The following CYSLTR1 variants were observed in gnomAD, a reference collection of about 807,000 sequenced individuals.
CYSLTR1 encodes the protein G-protein coupled receptor HG55.
CYSLTR1 carries 1 observed loss-of-function variant against 2.1 expected under a neutral mutation model. The ratio of observed to expected loss-of-function variants is 0.48; its 90% confidence interval spans 0.17 to 2.28. CYSLTR1 has a LOEUF of 2.28. Among genes scored for constraint, CYSLTR1 ranks in the 30% most tolerant of loss-of-function variants. The pLI, the probability that CYSLTR1 is intolerant of heterozygous loss-of-function variation, is 0.26. For synonymous variants in CYSLTR1, 110 were observed against 89.6 expected, an observed-to-expected ratio of 1.23 and a Z score of -1.28; for missense variants, 299 against 250.1, an observed-to-expected ratio of 1.20 and a Z score of -1.32.
rs762654756 is a variant in CYSLTR1 at position 78,273,410 on chromosome X, A to G, written c.337T>C (p.Phe113Leu). 8.3e-7 allele frequency: 1 copy of G among 1,211,675 alleles called. No homozygotes were observed. The highest frequency in any genetic ancestry group is 1.1e-6 in the Non-Finnish European group (1 of 895,429). The change falls in exon 3 of 3, where the codon TTT (phenylalanine) becomes CTT (leucine). Residue 113 changes from phenylalanine to leucine, a missense_variant. Coordinates refer to ENST00000373304, the MANE Select transcript of CYSLTR1 (RefSeq NM_006639.4). The part of the protein sequence containing the change: ...LYVNLYCSIF[F>L]MTAMSFFRCI... ...CGGAAAAAGCTCATGGCTGTCATAA[A>G]GAAGATGCTACAATAGAGGTTGACA...
At chrX:78,281,187 T>C (rs1921826702) in intron 2 of CYSLTR1, among the ~76,000 whole-genome samples, 1 of 111,558 alleles carries the variant, frequency 9.0e-6, no homozygotes, top group African/African-American at 3.3e-5. Flanking sequence ...GCTGACCTAA[T>C]TTACACTCCC....
At chrX:78,319,330 G>A (rs1159448209) in intron 1 of CYSLTR1, 1 of 89,674 alleles carries the variant, frequency 1.1e-5, no homozygotes, top group Non-Finnish European at 2.1e-5. Flanking sequence ...TGTTCTCATC[G>A]TTCAATTCCT....
intron 1 of CYSLTR1, among the ~76,000 whole-genome samples, chrX:78,299,171 T>G (rs1338508660): frequency 3.6e-5 from 4 of 111,690 alleles, no homozygotes; most frequent in Non-Finnish European, 7.5e-5. Flanking sequence ...TTATAAAAAT[T>G]CTATGCCTTA....
In CYSLTR1 at chrX:78,272,789, C is replaced by T. The variant is rs1378045909; in HGVS notation, c.958G>A (p.Val320Ile). ...GGCAAAGAGGCCTTCTTTCTGGGTA[C>T]ATAAGTCACGCTGGACAAAGAATGC... ...RKHSLSSVTY[V>I]PRKKASLPEK... Residue 320 changes from valine to isoleucine, a missense_variant, in exon 3 of 3, where the codon GTA (valine) becomes ATA (isoleucine). Physicochemically the swap from Val to Ile is conservative, Grantham distance 29. Transcript: ENST00000373304. 1.7e-6 allele frequency: 2 copies of T among 1,210,225 alleles called. No homozygotes were observed. Among genetic ancestry groups the T allele is most frequent in the South Asian group, 1.8e-5 (1 of 56,647 alleles).
chrX:78,277,837 G>T (rs1395249372), intron 2 of CYSLTR1, among the ~76,000 whole-genome samples: 2 of 111,903 alleles, frequency 1.8e-5, no homozygotes, highest in African/African-American at 6.5e-5. Context: ...GAACCAGTGG[G>T]AGAGCTCTGA....
rs758004902 is a variant in CYSLTR1, at chrX:78,289,634, G to T, written c.-114-6094C>A. Among the ~76,000 whole-genome samples the T allele has an allele frequency of 2.7e-5, 3 of 111,729 alleles. No individual in the cohort carries two copies. In the South Asian group the frequency reaches 1.1e-3, roughly 42 times the overall value. On this transcript the variant is annotated intron_variant, in intron 1 of 2. Coordinates refer to ENST00000373304, the MANE Select transcript of CYSLTR1 (RefSeq NM_006639.4). ...TCCTCTCCAGCATCTGTTGTTTCCT[G>T]ATTTTTTAATGATCGCCATTCTAAC...
intron 1 of CYSLTR1, among the ~76,000 whole-genome samples, chrX:78,296,438 T>C (rs1922578112): frequency 8.9e-6 from 1 of 112,139 alleles, no homozygotes; most frequent in Admixed American, 9.5e-5. Context: ...GTGAAGAATG[T>C]CATTGATATT....
intron 1 of CYSLTR1, among the ~76,000 whole-genome samples, chrX:78,300,058 G>T (rs1922752107): frequency 9.1e-6 from 1 of 110,312 alleles, no homozygotes; most frequent in Admixed American, 9.6e-5. Flanking sequence ...CCTTTCTTTG[G>T]ATCAATTCTG....
intron 1 of CYSLTR1, chrX:78,320,894 A>C (rs1366092940): frequency 9.0e-6 from 1 of 111,726 alleles, no homozygotes; most frequent in Non-Finnish European, 1.9e-5. Context: ...GAGTTCACTC[A>C]TGATTTGGCT....
intron 1 of CYSLTR1, among the ~76,000 whole-genome samples, chrX:78,311,176 A>C (rs1436092977): frequency 2.7e-5 from 3 of 111,277 alleles, no homozygotes; most frequent in African/African-American, 9.8e-5. Context: ...TGAGAAAAAG[A>C]AATGGGCTGC....
chrX:78,312,749 TA>T (rs775937521), intron 1 of CYSLTR1, among the ~76,000 whole-genome samples: 29 of 111,645 alleles, frequency 2.6e-4, no homozygotes, highest in African/African-American at 9.1e-4. Context: ...AAATGCAAAT[TA>T]AAACCACAGT....
intron 1 of CYSLTR1, among the ~76,000 whole-genome samples, chrX:78,284,899 T>C (rs751692779): frequency 2.7e-5 from 3 of 111,602 alleles, no homozygotes; most frequent in African/African-American, 6.5e-5. Context: ...AATCATTTCT[T>C]AGATCTTCTC....
intron 1 of CYSLTR1, among the ~76,000 whole-genome samples, chrX:78,311,472 A>G (rs1254038303): frequency 8.9e-6 from 1 of 111,808 alleles, no homozygotes; most frequent in Non-Finnish European, 1.9e-5. Context: ...GAATGCTTCC[A>G]AAGAAGTCCT....
intron 1 of CYSLTR1, among the ~76,000 whole-genome samples, chrX:78,297,025 G>C (rs1201540719): frequency 1.8e-5 from 2 of 111,666 alleles, no homozygotes; most frequent in Non-Finnish European, 3.8e-5. Context: ...CTAGCTGTGA[G>C]TCTGTTGTAA....
chrX:78,302,346 C>T (rs934385620), intron 1 of CYSLTR1, among the ~76,000 whole-genome samples: 2 of 111,692 alleles, frequency 1.8e-5, no homozygotes, highest in African/African-American at 6.5e-5. Flanking sequence ...TCCAGAAATG[C>T]TATCCAAGAG....
At chrX:78,283,295 T>C (rs967485900) in intron 2 of CYSLTR1, among the ~76,000 whole-genome samples, 159 bp downstream of exon 2, 8 of 112,070 alleles carry the variant, frequency 7.1e-5, no homozygotes, top group Admixed American at 2.8e-4. Context: ...AATACAGTAT[T>C]GTAAAAGCCG....
chrX:78,278,582 AC>A (rs1483740677), intron 2 of CYSLTR1, among the ~76,000 whole-genome samples: 1 of 112,565 alleles, frequency 8.9e-6, no homozygotes, highest in African/African-American at 3.2e-5. Flanking sequence ...GAAACTACCA[AC>A]AGCACTTTTC....
chrX:78,272,965 T>C lies in CYSLTR1; in HGVS notation c.782A>G (p.His261Arg). 8.3e-7 allele frequency: 1 copy of C among 1,211,435 alleles called. No homozygotes were observed. The highest frequency in any genetic ancestry group is 1.1e-6 in the Non-Finnish European group (1 of 895,315). The change falls in exon 3 of 3, where the codon CAC (histidine) becomes CGC (arginine). Residue 261 changes from histidine (H) to arginine (R), a missense_variant. By Grantham distance (29) the His-to-Arg change is conservative (BLOSUM62 0). Transcript: ENST00000373304. The stretch of plus-strand genomic sequence containing the variant: ...AGAATCACAGGGTTTAGTTTCATTG[T>C]GTAAAAAATGAAGGTGAATGGTACG... ...IQRTIHLHFL[H>R]NETKPCDSVL... is the part of the protein sequence containing the mutation.
chrX:78,273,235 G>A lies in CYSLTR1; in HGVS notation c.512C>T (p.Thr171Ile), dbSNP rs1352957180. ...GTCTTGTGGGGGCTCAAAGCACTTG[G>A]TATTATTTTTCTCATCTTTTTGTGG... Reference protein sequence around the residue: ...AKPQKDEKNNTKCFEPPQDNQ... With the variant: ...AKPQKDEKNNIKCFEPPQDNQ... The change falls in exon 3 of 3, where the codon ACC becomes ATC. Residue 171 changes from threonine (T) to isoleucine (I), a missense_variant. Coordinates refer to ENST00000373304, the MANE Select transcript of CYSLTR1 (RefSeq NM_006639.4). 1 of 1,208,586 alleles carries A rather than the reference G, an allele frequency of 8.3e-7. No homozygotes were observed. Among genetic ancestry groups the A allele is most frequent in the African/African-American group, 1.8e-5 (1 of 57,027 alleles).
Sources: allele counts gnomAD v4.1 joint callset (sites outside exome capture counted in the v4.1 genomes callset), GRCh38; gene constraint gnomAD v4.1.1; transcripts MANE v1.5; gene names NCBI Gene and HGNC (gene_info 2026-07-23, HGNC 2026-07-21).